Variants in RNF125 observed in about 807,000 individuals in gnomAD.
RNF125 encodes the protein E3 ubiquitin-protein ligase RNF125.
Under a neutral mutation model 26.0 loss-of-function variants are expected in RNF125, and 21 were observed. The ratio of observed to expected loss-of-function variants is 0.81; its 90% confidence interval spans 0.57 to 1.16. The LOEUF is 1.16. Ranked by LOEUF, RNF125 falls within the 50% of genes most tolerant of loss-of-function variation. The pLI is 0.00. For missense variants in RNF125, 270 were observed against 299.4 expected (o/e 0.90, Z 0.72); for synonymous variants, 95 against 109.2 (o/e 0.87, Z 0.81).
At chr18:32,037,361 C>A in intron 2 of RNF125, 92 bp downstream of exon 2, 2 of 403,956 alleles carry the variant, frequency 5.0e-6, no homozygotes, top group Non-Finnish European at 8.0e-6. Flanking sequence ...CCATGGTACG[C>A]ACCTTTTTTT....
At chr18:32,054,110 T>TG (rs1568204329) in intron 4 of RNF125, among the ~76,000 whole-genome samples, 2 of 137,582 alleles carry the variant, frequency 1.5e-5, no homozygotes, top group Non-Finnish European at 1.6e-5. Context: ...TTTTTTTTTT[T>TG]GAGACAGAGT....
At chr18:32,085,700 CAAAAAAAAAA>C in the RNF125 span, among the ~76,000 whole-genome samples, 13 of 62,760 alleles carry the variant, frequency 2.1e-4, no homozygotes, top group Non-Finnish European at 3.3e-4. Flanking sequence ...AACGACTTAT[CAAAAAAAAAA>C]AAAAAAAAAA....
chr18:32,086,738 C>CG, the RNF125 span, among the ~76,000 whole-genome samples: 1 of 152,020 alleles, frequency 6.6e-6, no homozygotes, highest in East Asian at 1.9e-4. Context: ...AGGCTGGTCT[C>CG]GAACTCCCGA....
intron 1 of RNF125, among the ~76,000 whole-genome samples, chr18:32,021,648 A>T (rs1348193696): frequency 6.6e-6 from 1 of 152,232 alleles, no homozygotes; most frequent in Non-Finnish European, 1.5e-5. Context: ...AAACATAAAC[A>T]GTGGGCGTTT....
chr18:32,039,850 GCTCACTGTAACCTC>G (rs1411692132), intron 2 of RNF125, among the ~76,000 whole-genome samples: 1 of 147,940 alleles, frequency 6.8e-6, no homozygotes, highest in Non-Finnish European at 1.5e-5. Context: ...TATGATCTTG[GCTCACTGTAACCTC>G]CACTTTGCAC....
chr18:32,078,906 T>C, the RNF125 span, among the ~76,000 whole-genome samples: 2 of 152,222 alleles, frequency 1.3e-5, no homozygotes, highest in African/African-American at 4.8e-5. Context: ...AATTTCATTA[T>C]TTTTCTGAAA....
chr18:32,039,343 CTA>C (rs1380919392), intron 2 of RNF125, among the ~76,000 whole-genome samples: 2 of 151,946 alleles, frequency 1.3e-5, no homozygotes, highest in African/African-American at 4.8e-5. Flanking sequence ...CTGCAGTAAA[CTA>C]TGATCGTGCC....
intron 5 of RNF125, 65 bp from the exon 6 acceptor site, chr18:32,068,233 C>G: frequency 9.1e-6 from 8 of 880,158 alleles, no homozygotes; most frequent in Middle Eastern, 2.8e-4. Flanking sequence ...TGCATTGACC[C>G]TCATCCTCTA....
rs906023293 is a variant in RNF125, at chr18:32,070,705, T to TA, written c.*2321_*2322insA. 5 of 76,022 alleles carry TA rather than the reference T, an allele frequency of 6.6e-5. No individual in the cohort carries two copies. Among genetic ancestry groups the TA allele is most frequent in the Non-Finnish European group, 6.9e-5 (2 of 29,164 alleles). 4.7% of individuals were successfully genotyped at this position (76,022 alleles called of 1,614,324 possible). A position where few individuals can be genotyped will look rare whatever the true frequency, so the allele number is the denominator to read the frequency against. ...ATTTGCTTTTCTCATTCTTTCCCAATTTTTTTTTTTTTTTGAGATGGAGTC... is the reference window on the plus strand; with the variant it reads ...ATTTGCTTTTCTCATTCTTTCCCAATATTTTTTTTTTTTTTGAGATGGAGTC... On this transcript the variant is annotated 3_prime_UTR_variant, in exon 6 of 6. Transcript: ENST00000217740.
downstream of RNF125, among the ~76,000 whole-genome samples, chr18:32,074,366 A>G (rs2144527642): frequency 6.6e-6 from 1 of 152,326 alleles, no homozygotes; most frequent in South Asian, 2.1e-4. Context: ...CTGGATACTG[A>G]GGCATAATAG....
chr18:32,075,693 C>A (rs12970765), downstream of RNF125, among the ~76,000 whole-genome samples: 679 of 91,870 alleles, frequency 7.4e-3, no homozygotes, highest in Middle Eastern at 0.012. Context: ...AACTCCATCT[C>A]AAAAAAAAAA....
chr18:32,029,462 GAA>G (rs61164382), intron 1 of RNF125, among the ~76,000 whole-genome samples: 32 of 112,384 alleles, frequency 2.8e-4, no homozygotes, highest in East Asian at 5.0e-4. Context: ...CGTCTGTACA[GAA>G]AAAAAAAAAA....
At chr18:32,033,701 C>G (rs2039122620) in intron 1 of RNF125, among the ~76,000 whole-genome samples, 1 of 151,104 alleles carries the variant, frequency 6.6e-6, no homozygotes, top group Non-Finnish European at 1.5e-5. Context: ...TGCCTGTAAT[C>G]CCAGCTACTC....
At chr18:32,033,384 C>T (rs1001789957) in intron 1 of RNF125, among the ~76,000 whole-genome samples, 14 of 151,996 alleles carry the variant, frequency 9.2e-5, no homozygotes, top group African/African-American at 2.2e-4. Context: ...AAACATTTGC[C>T]GAACATGGTG....
chr18:32,045,854 G>T (rs1048047991), intron 4 of RNF125, 122 bp downstream of exon 4: 2 of 608,490 alleles, frequency 3.3e-6, no homozygotes, highest in Non-Finnish European at 5.7e-6. Context: ...TTAAGGTTAT[G>T]GTAACTCTGT....
chr18:32,076,255 G>T, downstream of RNF125: 2 of 415,752 alleles, frequency 4.8e-6, no homozygotes, highest in South Asian at 2.1e-5. Context: ...CATCAGCCAG[G>T]ACATTTATGC....
At chr18:32,055,616 A>G (rs903271568) in intron 4 of RNF125, among the ~76,000 whole-genome samples, 9 of 152,108 alleles carry the variant, frequency 5.9e-5, no homozygotes, top group African/African-American at 2.2e-4. Flanking sequence ...AGCATGGGGG[A>G]AACTGCCCCC....
chr18:32,042,128 C>A, intron 2 of RNF125, 51 bp from the exon 3 acceptor site: 1 of 1,323,328 alleles, frequency 7.6e-7, no homozygotes, highest in Middle Eastern at 1.9e-4. Flanking sequence ...CATAAGCTTT[C>A]ATTGAGCCCT....
At chr18:32,053,302 T>C (rs371350625) in intron 4 of RNF125, among the ~76,000 whole-genome samples, 1 of 151,822 alleles carries the variant, frequency 6.6e-6, no homozygotes, top group East Asian at 1.9e-4. Flanking sequence ...GTGGAGGTTG[T>C]AGTGAGCCGA....
Sources: gnomAD v4.1 joint callset for allele counts (sites outside exome capture counted in the v4.1 genomes callset) on GRCh38, gnomAD v4.1.1 for gene constraint, MANE v1.5 for transcripts, NCBI Gene and HGNC (gene_info 2026-07-23, HGNC 2026-07-21) for gene names.